EGFR: variants seen among roughly 807,000 people sequenced by gnomAD.
EGFR encodes avian erythroblastic leukemia viral (v-erb-b) oncogene homolog.
In EGFR, 58 loss-of-function variants were observed where a neutral mutation model predicts 143.0. The observed-to-expected ratio is 0.41, with a 90% confidence interval of 0.33 to 0.50. The LOEUF (loss-of-function observed/expected upper bound fraction) is 0.50, where lower values mean the gene tolerates loss of function less well. Ranked by LOEUF, EGFR falls within the 20% of genes least tolerant of loss-of-function variation. The pLI, the probability that EGFR is intolerant of heterozygous loss-of-function variation, is 0.39. For missense variants in EGFR, 1,307 were observed against 1,579.0 expected, an observed-to-expected ratio of 0.83 and a Z score of 2.92; for synonymous variants, 613 against 594.4, an observed-to-expected ratio of 1.03 and a Z score of -0.45.
At chr7:55,122,060 A>G (rs981899865) in intron 1 of EGFR, among the ~76,000 whole-genome samples, 5 of 152,200 alleles carry the variant, frequency 3.3e-5, no homozygotes, top group Non-Finnish European at 7.3e-5. Flanking sequence ...ATTTATTTAG[A>G]TAATCTTTGT....
intron 19 of EGFR, among the ~76,000 whole-genome samples, chr7:55,176,573 G>T (rs987618162): frequency 6.6e-6 from 1 of 151,932 alleles, no homozygotes; most frequent in East Asian, 1.9e-4. Flanking sequence ...TAAAAAATTA[G>T]CTGGGTGTGG....
At position 55,076,864 on chromosome 7, in the gene EGFR, T is replaced by C. The variant is rs17289225; in HGVS notation, c.88+57499T>C. Among the ~76,000 whole-genome samples the C allele has an allele frequency of 2.9e-3, 436 of 152,248 alleles. 2 individuals carry two copies. Among genetic ancestry groups the C allele is most frequent in the Non-Finnish European group, 5.5e-3 (373 of 68,016 alleles). On this transcript the variant is annotated intron_variant, in intron 1 of 27. Transcript: ENST00000275493. ...ATGCCTGCCACTCCATCATTAGCTG[T>C]TGTCATGTAGGCTATCAATAAATAT...
chr7:55,031,837 T>C (rs1040630404), intron 1 of EGFR, among the ~76,000 whole-genome samples: 16 of 152,160 alleles, frequency 1.1e-4, no homozygotes, highest in African/African-American at 3.9e-4. Flanking sequence ...TATTCGCATT[T>C]TGGAAAAGGA....
chr7:55,133,179 C>T (rs1350943936), intron 1 of EGFR, among the ~76,000 whole-genome samples: 2 of 152,210 alleles, frequency 1.3e-5, no homozygotes, highest in African/African-American at 2.4e-5. Context: ...CCTGTCTTTA[C>T]CTGCACATCA....
At chr7:55,160,566 C>A (rs1421249274) in intron 12 of EGFR, among the ~76,000 whole-genome samples, 1 of 152,170 alleles carries the variant, frequency 6.6e-6, no homozygotes, top group Non-Finnish European at 1.5e-5. Context: ...GTTTAGGCTA[C>A]CAATTATTTG....
chr7:55,188,656 G>A (rs1190351764), intron 20 of EGFR, among the ~76,000 whole-genome samples: 5 of 152,104 alleles, frequency 3.3e-5, no homozygotes, highest in South Asian at 2.1e-4. Context: ...ACCTCTGCTC[G>A]GACCCTGGGA....
chr7:55,170,639 C>T (rs1786302220), intron 15 of EGFR: 2 of 1,599,942 alleles, frequency 1.3e-6, no homozygotes, highest in Non-Finnish European at 1.7e-6. Context: ...TACCCATTTC[C>T]TTCCTTCCAC....
intron 27 of EGFR, among the ~76,000 whole-genome samples, chr7:55,203,828 A>G (rs1440668517): frequency 1.3e-5 from 2 of 151,804 alleles, no homozygotes; most frequent in Non-Finnish European, 2.9e-5. Flanking sequence ...ATTTAGATAT[A>G]TATAAAACAT....
intron 1 of EGFR, among the ~76,000 whole-genome samples, chr7:55,088,288 G>A (rs1182730279): frequency 2.0e-5 from 3 of 152,184 alleles, no homozygotes; most frequent in African/African-American, 7.2e-5. Flanking sequence ...GGCCCCCTTC[G>A]CACAAAGAGC....
intron 1 of EGFR, among the ~76,000 whole-genome samples, chr7:55,128,765 A>C (rs1248977371): frequency 6.6e-6 from 1 of 152,224 alleles, no homozygotes; most frequent in African/African-American, 2.4e-5. Context: ...TAATTCTATT[A>C]AGCTAGTAGG....
intron 19 of EGFR, chr7:55,179,675 C>T (rs1412998630): frequency 6.6e-6 from 1 of 152,242 alleles, no homozygotes; most frequent in Non-Finnish European, 1.5e-5. Flanking sequence ...TAAATATTTA[C>T]AGTTTGCCCT....
intron 1 of EGFR, among the ~76,000 whole-genome samples, chr7:55,089,008 G>A (rs1790938334): frequency 6.6e-6 from 1 of 152,178 alleles, no homozygotes; most frequent in African/African-American, 2.4e-5. Flanking sequence ...ACTGTCAAGA[G>A]TTGTGGAAGA....
At chr7:55,077,126 T>C (rs539187504) in intron 1 of EGFR, among the ~76,000 whole-genome samples, 1 of 152,186 alleles carries the variant, frequency 6.6e-6, no homozygotes, top group South Asian at 2.1e-4. Context: ...CAATTACAGA[T>C]TATTATTTAG....
chr7:55,097,750 G>A (rs898303640), intron 1 of EGFR, among the ~76,000 whole-genome samples: 9 of 151,976 alleles, frequency 5.9e-5, no homozygotes, highest in Non-Finnish European at 1.2e-4. Context: ...AGCATGTTGT[G>A]CCCAACTAGG....
intron 3 of EGFR, 58 bp from the exon 4 acceptor site, chr7:55,146,548 T>C (rs781477539): frequency 1.5e-4 from 247 of 1,611,530 alleles, no homozygotes; most frequent in Admixed American, 4.5e-4. Flanking sequence ...ACATGCATCC[T>C]TCATGGGAAT....
At chr7:55,128,300 A>G (rs1012936542) in intron 1 of EGFR, among the ~76,000 whole-genome samples, 2 of 152,268 alleles carry the variant, frequency 1.3e-5, no homozygotes, top group African/African-American at 4.8e-5. Flanking sequence ...CAAATAGTTT[A>G]TTACTGAGAG....
At chr7:55,027,519 T>G (rs1786962723) in intron 1 of EGFR, among the ~76,000 whole-genome samples, 1 of 152,202 alleles carries the variant, frequency 6.6e-6, no homozygotes, top group South Asian at 2.1e-4. Flanking sequence ...GTGCAACACA[T>G]TCTGCATTTA....
chr7:55,173,772 G>T (rs982562455), intron 17 of EGFR, 149 bp from the exon 18 acceptor site: 2 of 1,248,068 alleles, frequency 1.6e-6, no homozygotes, highest in Non-Finnish European at 2.3e-6. Flanking sequence ...GCGTACATTT[G>T]TCCTTCCAAA....
chr7:55,035,826 C>T (rs892842906), intron 1 of EGFR, among the ~76,000 whole-genome samples: 2 of 152,060 alleles, frequency 1.3e-5, no homozygotes, highest in African/African-American at 4.8e-5. Flanking sequence ...TGCACATTCA[C>T]AGGAAGTTGC....
Sources: gnomAD v4.1 joint callset for allele counts (sites outside exome capture counted in the v4.1 genomes callset) on GRCh38, gnomAD v4.1.1 for gene constraint, MANE v1.5 for transcripts, NCBI Gene and HGNC (gene_info 2026-07-23, HGNC 2026-07-21) for gene names.